ZNF787: variants seen among roughly 807,000 people sequenced by gnomAD.
ZNF787 encodes TTF-I-interacting peptide 20.
ZNF787 carries 7 observed loss-of-function variants against 16.9 expected under a neutral mutation model. That is an observed-to-expected ratio of 0.42 (90% confidence interval 0.24 to 0.78). The LOEUF (loss-of-function observed/expected upper bound fraction) is 0.78, where lower values mean the gene tolerates loss of function less well. Among genes scored for constraint, ZNF787 ranks in the 30% least tolerant of loss-of-function variants. The pLI, the probability that ZNF787 is intolerant of heterozygous loss-of-function variation, is 0.30. For missense variants in ZNF787, 551 were observed against 589.3 expected (o/e 0.94, Z 0.67); for synonymous variants, 345 against 270.9 (o/e 1.27, Z -2.69).
chr19:56,100,653 C>T (rs1162669160), intron 2 of ZNF787, among the ~76,000 whole-genome samples: 1 of 151,634 alleles, frequency 6.6e-6, no homozygotes, highest in Non-Finnish European at 1.5e-5. Flanking sequence ...ACCCCACCCC[C>T]ACCTACGATG....
chr19:56,088,353 G>A lies in ZNF787; in HGVS notation c.819C>T (p.Arg273=). 7 of 1,162,380 alleles carry A rather than the reference G, an allele frequency of 6.0e-6. No individual in the cohort carries two copies. Among genetic ancestry groups the A allele is most frequent in the Non-Finnish European group, 6.4e-6 (6 of 941,740 alleles). The allele number at this position is 1,162,380 out of a possible 1,614,324, so 72.0% of individuals were successfully genotyped here. The change falls in exon 3 of 3, where the codon CGC becomes CGT. Residue 273 remains arginine (R), a synonymous_variant. Coordinates refer to ENST00000610935, the MANE Select transcript of ZNF787 (RefSeq NM_001002836.4). This position sits in a 1 kb window ranked among gnomAD's most constrained non-coding sequence, Gnocchi z 8.6. ...GAKAAGPRSR[R]APAPKPYVCL... is the part of the protein sequence containing the mutation. ...ACACGTACGGCTTGGGGGCCGGGGC[G>A]CGCCGCGACCGGGGCCCCGCGGCCT...
intron 1 of ZNF787, among the ~76,000 whole-genome samples, chr19:56,105,171 T>C (rs1336286086): frequency 2.0e-5 from 3 of 147,598 alleles, no homozygotes; most frequent in Admixed American, 6.7e-5. Flanking sequence ...AAAAATAAAA[T>C]GAAACAGGCT....
At chr19:56,115,264 G>A (rs2030097652) in intron 1 of ZNF787, among the ~76,000 whole-genome samples, 1 of 152,022 alleles carries the variant, frequency 6.6e-6, no homozygotes, top group Admixed American at 6.6e-5. Flanking sequence ...CGTCCCTCTG[G>A]CGGGGTTCAG....
At chr19:56,114,229 T>G (rs1393381375) in intron 1 of ZNF787, among the ~76,000 whole-genome samples, 6 of 152,170 alleles carry the variant, frequency 3.9e-5, no homozygotes, top group Non-Finnish European at 7.3e-5. Flanking sequence ...CTGCTCCTGA[T>G]GCACCGACAG....
At chr19:56,100,657 T>TGA (rs1986057029) in intron 2 of ZNF787, among the ~76,000 whole-genome samples, 2 of 42,850 alleles carry the variant, frequency 4.7e-5, no homozygotes, top group Admixed American at 2.9e-4. Flanking sequence ...CACCCCCACC[T>TGA]ACGATGTCTG....
Position 56,087,892 on chromosome 19 carries a change from G to C in ZNF787, c.*131C>G, listed in dbSNP as rs1176646935. The C allele has an allele frequency of 4.7e-6, 6 of 1,265,818 alleles. No homozygotes were observed. Among genetic ancestry groups the C allele is most frequent in the Admixed American group, 8.8e-5 (2 of 22,804 alleles). The allele number at this position is 1,265,818 out of a possible 1,614,324, so 78.4% of individuals were successfully genotyped here. On this transcript the variant is annotated 3_prime_UTR_variant, in exon 3 of 3. Transcript: ENST00000610935. ...CCACGGACGGCGCAGGGACAGAGGA[G>C]GGCGGGGAGCCGGGGATGCCGCGGG...
intron 2 of ZNF787, among the ~76,000 whole-genome samples, chr19:56,092,046 G>GCCTCACCCTCAC (rs58624138): frequency 1.3e-4 from 18 of 133,864 alleles, no homozygotes; most frequent in African/African-American, 4.2e-4. Flanking sequence ...CGAAGCCGAA[G>GCCTCACCCTCAC]CCTCACCCTC....
chr19:56,089,096 G>A lies in ZNF787; in HGVS notation c.80-4C>T, dbSNP rs771052922. On this transcript the variant is annotated splice_polypyrimidine_tract_variant and splice_region_variant and intron_variant, in intron 2 of 2. Transcript: ENST00000610935. ...TCATCCATGATGAGGATGTCCACTG[G>A]AAAGCAAGAGGGTAGGGGGAGGTGA... 4.1e-6 allele frequency: 6 copies of A among 1,457,368 alleles called. No homozygotes were observed. In the South Asian group the frequency reaches 7.5e-5, roughly 18 times the overall value. 90.3% of individuals were successfully genotyped at this position (1,457,368 alleles called of 1,614,324 possible).
intron 2 of ZNF787, 51 bp from the exon 3 acceptor site, chr19:56,089,143 A>C: frequency 6.6e-6 from 9 of 1,354,246 alleles, no homozygotes; most frequent in East Asian, 2.7e-5. Context: ...CAAGGGCTCC[A>C]CGCCTGCCTT....
rs1986144638 is a variant in ZNF787 at position 56,102,664 on chromosome 19, T to C, written c.79+475A>G. ...AGTCTGCGTCAGCCTGCGGGTTCCC[T>C]GCACTCCTGAGCTTTCCCTGAAAAG... On this transcript the variant is annotated intron_variant, in intron 2 of 2. Transcript: ENST00000610935. 9.7e-6 allele frequency: 5 copies of C among 515,686 alleles called. No homozygotes were observed. The Admixed American group carries it at 1.1e-4, about 11-fold the overall frequency. The allele number at this position is 515,686 out of a possible 1,614,324, so 31.9% of individuals were successfully genotyped here. A position where few individuals can be genotyped will look rare whatever the true frequency, so the allele number is the denominator to read the frequency against.
At chr19:56,092,007 A>G (rs948728853) in intron 2 of ZNF787, among the ~76,000 whole-genome samples, 4 of 127,194 alleles carry the variant, frequency 3.1e-5, no homozygotes, top group African/African-American at 1.1e-4. Context: ...AACGGAAGCC[A>G]AAGCCGAAAC....
rs1985440358 is a variant in ZNF787, at chr19:56,088,539, C to T, written c.633G>A (p.Lys211=). The change falls in exon 3 of 3, where the codon AAG becomes AAA. Residue 211 remains lysine (K), a synonymous_variant. Coordinates refer to ENST00000610935, the MANE Select transcript of ZNF787 (RefSeq NM_001002836.4). The surrounding 1 kb of genome is among the most constrained non-coding windows in gnomAD (Gnocchi z 8.6). ...PELSGPGVAA[K]VLAASVRRAK... The stretch of plus-strand genomic sequence containing the variant: ...CCCGCCGGACGCTAGCCGCCAGCAC[C>T]TTGGCCGCCACGCCAGGCCCCGACA... 4 of 1,457,068 alleles carry T rather than the reference C, an allele frequency of 2.7e-6. No individual in the cohort carries two copies. The highest frequency in any genetic ancestry group is 3.0e-5 in the African/African-American group (2 of 66,928). The allele number at this position is 1,457,068 out of a possible 1,614,324, so 90.3% of individuals were successfully genotyped here.
chr19:56,113,678 G>T (rs1462010914), intron 1 of ZNF787, among the ~76,000 whole-genome samples: 1 of 83,576 alleles, frequency 1.2e-5, no homozygotes, highest in African/African-American at 4.3e-5. Flanking sequence ...GCACTTCCCA[G>T]GAACCGGGAC....
Position 56,102,807 on chromosome 19 carries a change from C to T in ZNF787, c.79+332G>A, listed in dbSNP as rs1043463552. On this transcript the variant is annotated intron_variant, in intron 2 of 2. Transcript: ENST00000610935. ...TAGCAGAGGGTCCAGGATGTGGAGG[C>T]GGGGCTGTGGGGAGAGGAAGGGGGC... is the stretch of plus-strand genomic sequence containing the variant. 3.6e-5 allele frequency: 24 copies of T among 669,624 alleles called. 1 individual carries two copies. The East Asian group carries it at 5.7e-4, about 16-fold the overall frequency. The allele number at this position is 669,624 out of a possible 1,614,324, so 41.5% of individuals were successfully genotyped here.
chr19:56,107,313 A>G (rs1365877645), intron 1 of ZNF787, among the ~76,000 whole-genome samples: 1 of 152,096 alleles, frequency 6.6e-6, no homozygotes, highest in Non-Finnish European at 1.5e-5. Context: ...GCCCAGTACC[A>G]CCCACCACTA....
At chr19:56,115,862 A>G (rs1438399069) in intron 1 of ZNF787, among the ~76,000 whole-genome samples, 1 of 152,176 alleles carries the variant, frequency 6.6e-6, no homozygotes, top group Non-Finnish European at 1.5e-5. Context: ...AGATCTTCAG[A>G]TCCTTATGCG....
In ZNF787 at chr19:56,092,046, G is replaced by GCCTCAC. The variant is rs58624138; in HGVS notation, c.80-2960_80-2955dup. ...AGCCGAAGCCGAAGCCGAAGCCGAA[G>GCCTCAC]CCTCACCCTCACCCTCACCCTCACC... On this transcript the variant is annotated intron_variant, in intron 2 of 2. Coordinates refer to ENST00000610935, the MANE Select transcript of ZNF787 (RefSeq NM_001002836.4). Among the ~76,000 whole-genome samples the GCCTCAC allele has an allele frequency of 9.2e-3, 1,227 of 133,740 alleles. 27 individuals are homozygous for GCCTCAC. The highest frequency in any genetic ancestry group is 0.034 in the African/African-American group (1,131 of 33,158). 87.7% of individuals were successfully genotyped at this position (133,740 alleles called of 152,430 possible).
rs1034714143 is a variant in ZNF787, at chr19:56,087,670, C to T, written c.*353G>A. On this transcript the variant is annotated 3_prime_UTR_variant, in exon 3 of 3. Transcript: ENST00000610935. ...TTTCTCCATTCCTCGCAGCACCCCCCACCCCCGCCCCGGACAACTGAGGAA... is the reference window on the plus strand; with the variant it reads ...TTTCTCCATTCCTCGCAGCACCCCCTACCCCCGCCCCGGACAACTGAGGAA... 4 of 191,560 alleles carry T rather than the reference C, an allele frequency of 2.1e-5. No homozygotes were observed. Among genetic ancestry groups the T allele is most frequent in the South Asian group, 1.9e-4 (1 of 5,290 alleles). 11.9% of individuals were successfully genotyped at this position (191,560 alleles called of 1,614,324 possible). A position where few individuals can be genotyped will look rare whatever the true frequency, so the allele number is the denominator to read the frequency against.
At chr19:56,099,427 G>A (rs1300091738) in intron 2 of ZNF787, among the ~76,000 whole-genome samples, 1 of 152,164 alleles carries the variant, frequency 6.6e-6, no homozygotes, top group Admixed American at 6.5e-5. Context: ...GAAAGGGGGA[G>A]TCACACCAGG....
Sources: allele counts gnomAD v4.1 joint callset (sites outside exome capture counted in the v4.1 genomes callset), GRCh38; gene constraint gnomAD v4.1.1; non-coding constraint Gnocchi (gnomAD v3.1); transcripts MANE v1.5; gene names NCBI Gene and HGNC (gene_info 2026-07-23, HGNC 2026-07-21).